YTHDF3: variants seen among roughly 807,000 people sequenced by gnomAD.
YTHDF3 encodes YTH domain-containing family protein 3.
In YTHDF3, 9 loss-of-function variants were observed where a neutral mutation model predicts 52.5. The observed-to-expected ratio is 0.17, with a 90% CI of 0.10 to 0.30. The LOEUF (loss-of-function observed/expected upper bound fraction) is 0.30. YTHDF3 is among the 10% of genes least tolerant of loss of function. The pLI is 1.00. For missense variants in YTHDF3, 534 were observed against 715.0 expected (o/e 0.75, Z 2.89); for synonymous variants, 274 against 243.3 (o/e 1.13, Z -1.18).
chr8:63,205,831 A>G (rs1171010572), intron 4 of YTHDF3, among the ~76,000 whole-genome samples: 2 of 152,214 alleles, frequency 1.3e-5, no homozygotes, highest in Admixed American at 1.3e-4. Context: ...ACTGTCAGGC[A>G]CAGTCCACCT....
At chr8:63,173,202 T>TATATATATGTATATATA (rs1554533375) in intron 2 of YTHDF3, among the ~76,000 whole-genome samples, 1 of 125,886 alleles carries the variant, frequency 7.9e-6, no homozygotes, top group East Asian at 2.7e-4. Flanking sequence ...AGGATTATAT[T>TATATATATGTATATATA]TATATATATA....
intron 3 of YTHDF3, 142 bp downstream of exon 3, chr8:63,175,558 T>C (rs1355337835): frequency 3.2e-6 from 2 of 628,038 alleles, no homozygotes; most frequent in Non-Finnish European, 5.5e-6. Flanking sequence ...GAGTAGTGAG[T>C]AGCAGTTGCA....
In YTHDF3 at chr8:63,210,590, A is replaced by G. The variant is rs1365563519; in HGVS notation, c.*884A>G. The G allele has an allele frequency of 6.6e-6, 1 of 152,586 alleles. No individual in the cohort carries two copies. Among genetic ancestry groups the G allele is most frequent in the African/African-American group, 2.4e-5 (1 of 41,456 alleles). The allele number at this position is 152,586 out of a possible 1,614,324, so 9.5% of individuals were successfully genotyped here. On this transcript the variant is annotated 3_prime_UTR_variant, in exon 5 of 5. Coordinates refer to ENST00000539294, the MANE Select transcript of YTHDF3 (RefSeq NM_152758.6). ...GATTGCTATCATGAAGTAAAAATTT[A>G]TTACTCTAGGTATTCACTAGCTAAA...
intron 4 of YTHDF3, among the ~76,000 whole-genome samples, 195 bp downstream of exon 4, chr8:63,187,940 T>C (rs1050810434): frequency 6.6e-6 from 1 of 152,202 alleles, no homozygotes; most frequent in African/African-American, 2.4e-5. Context: ...TAACTCACGC[T>C]GAGTTAGCCT....
At chr8:63,208,782 A>G (rs1467220225) in intron 4 of YTHDF3, among the ~76,000 whole-genome samples, 1 of 152,174 alleles carries the variant, frequency 6.6e-6, no homozygotes, top group Non-Finnish European at 1.5e-5. Context: ...TTTGCTTTTT[A>G]AGATAGGAAT....
chr8:63,204,430 C>T (rs1308012018), intron 4 of YTHDF3, among the ~76,000 whole-genome samples: 29 of 147,162 alleles, frequency 2.0e-4, no homozygotes, highest in African/African-American at 6.6e-4. Flanking sequence ...GGCGTGATCT[C>T]GGGTCACCGC....
intron 3 of YTHDF3, among the ~76,000 whole-genome samples, chr8:63,181,086 A>G (rs983049632): frequency 2.0e-5 from 3 of 152,252 alleles, no homozygotes; most frequent in Non-Finnish European, 4.4e-5. Flanking sequence ...TAAATATGCC[A>G]TGTAATTTGT....
chr8:63,196,364 C>T (rs904057041), intron 4 of YTHDF3, among the ~76,000 whole-genome samples: 15 of 151,536 alleles, frequency 9.9e-5, no homozygotes, highest in African/African-American at 3.2e-4. Context: ...GAGTTTGAGA[C>T]CAGCGTGGCC....
rs1178914721 is a variant in YTHDF3 at position 63,180,238 on chromosome 8, G to A, written c.135+4822G>A. ...TCAGACGGGGCGGTTGCCAGGCAGA[G>A]GGTTTCCTCACTTCTCAGACGGGGC... is the stretch of plus-strand genomic sequence containing the variant. On this transcript the variant is annotated intron_variant, in intron 3 of 4. Transcript: ENST00000539294. Among the ~76,000 whole-genome samples, 8 of 151,098 alleles carry A rather than the reference G, an allele frequency of 5.3e-5. No individual in the cohort carries two copies. In the East Asian group the frequency reaches 1.2e-3, roughly 23 times the overall value.
intron 1 of YTHDF3, chr8:63,169,171 G>T: frequency 7.1e-7 from 1 of 1,402,054 alleles, no homozygotes. Flanking sequence ...ATGGGGCGGA[G>T]ACCGGGCGAG....
At position 63,210,015 on chromosome 8, in the gene YTHDF3, C is replaced by T. The variant is rs1350321600; in HGVS notation, c.*309C>T. The T allele has an allele frequency of 2.6e-5, 7 of 264,598 alleles. No homozygotes were observed. Among genetic ancestry groups the T allele is most frequent in the Non-Finnish European group, 5.0e-5 (7 of 140,756 alleles). The allele number at this position is 264,598 out of a possible 1,614,324, so 16.4% of individuals were successfully genotyped here. ...AGAAGACTGAATGAATGCAAGGATTCATTAACTCTTTGAATTTGTTAAATA... is the reference window on the plus strand; with the variant it reads ...AGAAGACTGAATGAATGCAAGGATTTATTAACTCTTTGAATTTGTTAAATA... On this transcript the variant is annotated 3_prime_UTR_variant, in exon 5 of 5. Coordinates refer to ENST00000539294, the MANE Select transcript of YTHDF3 (RefSeq NM_152758.6).
intron 4 of YTHDF3, among the ~76,000 whole-genome samples, chr8:63,198,556 C>T (rs920296933): frequency 1.3e-5 from 2 of 152,124 alleles, no homozygotes; most frequent in African/African-American, 2.4e-5. Context: ...CTTGAGCCAC[C>T]GTGCCTGGCC....
chr8:63,180,838 G>T (rs575792553), intron 3 of YTHDF3, among the ~76,000 whole-genome samples: 1 of 152,244 alleles, frequency 6.6e-6, no homozygotes, highest in African/African-American at 2.4e-5. Context: ...GTCAGGCGTG[G>T]CGGCAAGCGC....
intron 3 of YTHDF3, among the ~76,000 whole-genome samples, chr8:63,185,069 C>G (rs918900491): frequency 2.0e-5 from 3 of 152,184 alleles, no homozygotes; most frequent in Admixed American, 6.5e-5. Context: ...TTGCAGTGAG[C>G]CAAGATAGCG....
At chr8:63,194,096 TTGGTGCC>T (rs1399502710) in intron 4 of YTHDF3, among the ~76,000 whole-genome samples, 4 of 152,086 alleles carry the variant, frequency 2.6e-5, no homozygotes, top group Non-Finnish European at 4.4e-5. Flanking sequence ...GCCAAATATA[TTGGTGCC>T]TGAGACAGTA....
rs1807618713 is a variant in YTHDF3 at position 63,175,376 on chromosome 8, A to G, written c.95A>G (p.Asp32Gly). 1 of 1,612,026 alleles carries G rather than the reference A, an allele frequency of 6.2e-7. No individual in the cohort carries two copies. Among genetic ancestry groups the G allele is most frequent in the Non-Finnish European group, 8.5e-7 (1 of 1,178,838 alleles). The change falls in exon 3 of 5, where the codon GAT (aspartate) becomes GGT (glycine). Residue 32 changes from aspartate (D) to glycine (G), a missense_variant. By Grantham distance (94) the Asp-to-Gly change is moderately conservative (BLOSUM62 -1). Around this residue, in one of 3 missense-constraint regions of YTHDF3, gnomAD observed 196 missense variants for 299.5 expected, o/e 0.65. Coordinates refer to ENST00000539294, the MANE Select transcript of YTHDF3 (RefSeq NM_152758.6). ...GSIHQKDAVN[D>G]DDFEPYLSSQ... ...ATTCATCAAAAAGATGCTGTAAATG[A>G]TGATGATTTTGAGCCATACTTAAGT...
At chr8:63,189,190 A>T (rs944159827) in intron 4 of YTHDF3, 8 of 152,196 alleles carry the variant, frequency 5.3e-5, no homozygotes, top group African/African-American at 1.9e-4. Flanking sequence ...TATATTGGCC[A>T]GAATATTTTT....
In YTHDF3 at chr8:63,186,789, A is replaced by C; in HGVS notation, c.778A>C (p.Ile260Leu). 1 of 1,614,010 alleles carries C rather than the reference A, an allele frequency of 6.2e-7. No homozygotes were observed. Among genetic ancestry groups the C allele is most frequent in the Middle Eastern group, 1.6e-4 (1 of 6,062 alleles). Residue 260 changes from isoleucine to leucine, a missense_variant, in exon 4 of 5, where the codon ATT becomes CTT. Around this residue, in one of 3 missense-constraint regions of YTHDF3, gnomAD observed 203 missense variants for 201.3 expected, o/e 1.01. Transcript: ENST00000539294. ...PKLKPKGNVG[I>L]GGSAVPPPPI... is the part of the protein sequence containing the mutation. ...ACTTAAACCCAAGGGCAATGTGGGA[A>C]TTGGGGGTTCTGCTGTACCACCACC...
intron 4 of YTHDF3, among the ~76,000 whole-genome samples, chr8:63,193,464 A>G (rs907809120): frequency 2.6e-5 from 4 of 151,608 alleles, no homozygotes; most frequent in Admixed American, 1.3e-4. Flanking sequence ...GATTTTTATC[A>G]AGAGTATATA....
Sources: gnomAD v4.1 joint callset for allele counts (sites outside exome capture counted in the v4.1 genomes callset) on GRCh38, gnomAD v4.1.1 for gene constraint, gnomAD v4.1.1 regional missense constraint, MANE v1.5 for transcripts, NCBI Gene and HGNC (gene_info 2026-07-23, HGNC 2026-07-21) for gene names.